Variants in GABRA4 observed in about 807,000 individuals in gnomAD.
The protein encoded by GABRA4 is gamma-aminobutyric acid receptor subunit alpha-4.
GABRA4 carries 12 observed loss-of-function variants against 49.7 expected under a neutral mutation model. The ratio of observed to expected loss-of-function variants is 0.24; its 90% CI spans 0.15 to 0.39. The LOEUF (loss-of-function observed/expected upper bound fraction) is 0.39, where lower values mean the gene tolerates loss of function less well. GABRA4 is among the 10% of genes least tolerant of loss of function. The pLI is 1.00. For missense variants in GABRA4, 506 were observed against 686.0 expected, an observed-to-expected ratio of 0.74 and a Z score of 2.93; for synonymous variants, 288 against 240.2, an observed-to-expected ratio of 1.20 and a Z score of -1.84.
At chr4:46,934,849 G>C (rs1285393072) in intron 8 of GABRA4, among the ~76,000 whole-genome samples, 1 of 152,092 alleles carries the variant, frequency 6.6e-6, no homozygotes, top group African/African-American at 2.4e-5. Context: ...AGACTTCTTT[G>C]GTCAGAGCAG....
intron 2 of GABRA4, among the ~76,000 whole-genome samples, chr4:46,987,065 A>G (rs1019774078): frequency 5.3e-5 from 8 of 152,106 alleles, no homozygotes; most frequent in African/African-American, 1.9e-4. Context: ...AAATTAGTTC[A>G]GGACTTGTCC....
At chr4:46,949,083 T>C (rs1722076368) in intron 8 of GABRA4, among the ~76,000 whole-genome samples, 1 of 152,128 alleles carries the variant, frequency 6.6e-6, no homozygotes, top group Non-Finnish European at 1.5e-5. Flanking sequence ...CTTGAGATCC[T>C]TCTTACCCCT....
intron 8 of GABRA4, among the ~76,000 whole-genome samples, chr4:46,963,403 G>A (rs1264219935): frequency 1.3e-5 from 2 of 151,752 alleles, no homozygotes; most frequent in African/African-American, 2.4e-5. Flanking sequence ...AATCATGGGG[G>A]ACAGTCTTTC....
At chr4:46,956,261 A>T (rs887839344) in intron 8 of GABRA4, among the ~76,000 whole-genome samples, 4 of 152,140 alleles carry the variant, frequency 2.6e-5, no homozygotes, top group Admixed American at 2.0e-4. Context: ...CCTAAATGTC[A>T]GATGAATTGT....
intron 8 of GABRA4, among the ~76,000 whole-genome samples, chr4:46,949,494 A>G (rs1722090582): frequency 2.0e-5 from 3 of 152,248 alleles, no homozygotes; most frequent in Admixed American, 2.0e-4. Flanking sequence ...AAACTCCAGC[A>G]ATTGCAGGCA....
intron 7 of GABRA4, among the ~76,000 whole-genome samples, chr4:46,966,697 A>G (rs1479414657): frequency 6.6e-6 from 1 of 151,746 alleles, no homozygotes. Context: ...GTCTCTTCTA[A>G]ATCTTCAATG....
intron 8 of GABRA4, among the ~76,000 whole-genome samples, chr4:46,942,103 C>G (rs1162732007): frequency 6.6e-6 from 1 of 152,028 alleles, no homozygotes; most frequent in African/African-American, 2.4e-5. Context: ...GTTACTCATC[C>G]CATTATTCAA....
chr4:46,943,906 C>A (rs1721897486), intron 8 of GABRA4, among the ~76,000 whole-genome samples: 2 of 152,038 alleles, frequency 1.3e-5, no homozygotes, highest in African/African-American at 4.8e-5. Context: ...GGGTATCCAT[C>A]TCCCAAATAG....
chr4:46,962,580 T>A (rs754634597), intron 8 of GABRA4, among the ~76,000 whole-genome samples: 2 of 151,782 alleles, frequency 1.3e-5, no homozygotes, highest in African/African-American at 4.8e-5. Flanking sequence ...ATACCAAAGA[T>A]ATTCTTCACA....
chr4:46,959,438 T>C (rs1267049164), intron 8 of GABRA4, among the ~76,000 whole-genome samples: 1 of 151,942 alleles, frequency 6.6e-6, no homozygotes, highest in African/African-American at 2.4e-5. Flanking sequence ...AATGATTAAA[T>C]GGTATAATCC....
At chr4:46,962,498 G>A (rs1394884575) in intron 8 of GABRA4, among the ~76,000 whole-genome samples, 2 of 151,780 alleles carry the variant, frequency 1.3e-5, no homozygotes, top group East Asian at 1.9e-4. Flanking sequence ...TTCATGGATT[G>A]GAAGAATCAA....
intron 8 of GABRA4, among the ~76,000 whole-genome samples, chr4:46,934,882 A>G (rs6843462): frequency 0.52 from 79,060 of 151,938 alleles, 20,748 homozygotes; most frequent in East Asian, 0.66. Context: ...TGATTAAGCA[A>G]ACTTGTTCAA....
rs1274410864 is a variant in GABRA4, at chr4:46,926,809, G to A, written c.*1416C>T. Reference sequence around the variant, plus strand: ...CTACCTAATGAGAAAGAAGTCAGTAGATGAAAACCCTGATAAATCACATAG... The same window carrying A: ...CTACCTAATGAGAAAGAAGTCAGTAAATGAAAACCCTGATAAATCACATAG... On this transcript the variant is annotated 3_prime_UTR_variant, in exon 9 of 9. Transcript: ENST00000264318. 6.6e-6 allele frequency: 1 copy of A among 151,896 alleles called. No homozygotes were observed. The highest frequency in any genetic ancestry group is 1.5e-5 in the Non-Finnish European group (1 of 67,900). The allele number at this position is 151,896 out of a possible 1,614,324, so 9.4% of individuals were successfully genotyped here. A position where few individuals can be genotyped will look rare whatever the true frequency, so the allele number is the denominator to read the frequency against.
At chr4:46,932,084 G>C (rs893266852) in intron 8 of GABRA4, among the ~76,000 whole-genome samples, 4 of 152,086 alleles carry the variant, frequency 2.6e-5, no homozygotes, top group Admixed American at 1.3e-4. Flanking sequence ...CCAAGGGCTC[G>C]TGAGGGCGGA....
chr4:46,962,742 A>G (rs1427017463), intron 8 of GABRA4, among the ~76,000 whole-genome samples: 1 of 151,958 alleles, frequency 6.6e-6, no homozygotes, highest in East Asian at 1.9e-4. Context: ...ACAACATGGT[A>G]CTGGCATAAA....
chr4:46,975,857 T>G (rs1401062558), intron 5 of GABRA4, among the ~76,000 whole-genome samples: 1 of 152,036 alleles, frequency 6.6e-6, no homozygotes. Flanking sequence ...TGCCTTTATC[T>G]TCTCTCATTA....
At chr4:46,967,030 A>C (rs1197505156) in intron 7 of GABRA4, among the ~76,000 whole-genome samples, 1 of 151,752 alleles carries the variant, frequency 6.6e-6, no homozygotes, top group Non-Finnish European at 1.5e-5. Context: ...TGTGAGATAT[A>C]TGAATAAACA....
rs534927633 is a variant in GABRA4 at position 46,927,080 on chromosome 4, T to C, written c.*1145A>G. ...TGAAAAAGCCTGTGCTCAGTTCCTA[T>C]GTCTGATGATTCTGTGATTCTGATC... On this transcript the variant is annotated 3_prime_UTR_variant, in exon 9 of 9. Coordinates refer to ENST00000264318, the MANE Select transcript of GABRA4 (RefSeq NM_000809.4). The C allele has an allele frequency of 1.3e-5, 2 of 152,104 alleles. No homozygotes were observed. Among genetic ancestry groups the C allele is most frequent in the East Asian group, 1.9e-4 (1 of 5,176 alleles). The allele number at this position is 152,104 out of a possible 1,614,324, so 9.4% of individuals were successfully genotyped here.
chr4:46,951,416 G>T (rs141813651), intron 8 of GABRA4, among the ~76,000 whole-genome samples: 1 of 151,822 alleles, frequency 6.6e-6, no homozygotes, highest in Non-Finnish European at 1.5e-5. Context: ...TGGTCTTCAA[G>T]TTCATACTCT....
Sources: gnomAD v4.1 joint callset for allele counts (sites outside exome capture counted in the v4.1 genomes callset) on GRCh38, gnomAD v4.1.1 for gene constraint, MANE v1.5 for transcripts, NCBI Gene and HGNC (gene_info 2026-07-23, HGNC 2026-07-21) for gene names.